The following CNOT8 variants were observed in gnomAD, a reference collection of about 807,000 sequenced individuals.
CNOT8 encodes CCR4-NOT transcription complex subunit 8, also known as CAF1-like protein.
In CNOT8, 18 loss-of-function variants were observed where a neutral mutation model predicts 34.6. That is an observed-to-expected ratio of 0.52 (90% CI 0.36 to 0.77). The LOEUF (loss-of-function observed/expected upper bound fraction) is 0.77. Ranked by LOEUF, CNOT8 falls within the 30% of genes least tolerant of loss-of-function variation. The pLI, the probability that CNOT8 is intolerant of heterozygous loss-of-function variation, is 0.00. For synonymous variants in CNOT8, 101 were observed against 118.8 expected (o/e 0.85, Z 0.98); for missense variants, 189 against 347.9 (o/e 0.54, Z 3.63).
At chr5:154,863,976 A>G (rs1390761380) in intron 2 of CNOT8, among the ~76,000 whole-genome samples, 4 of 152,078 alleles carry the variant, frequency 2.6e-5, no homozygotes, top group Non-Finnish European at 5.9e-5. Flanking sequence ...AGATCTGGCA[A>G]TATCTGTTAT....
chr5:154,862,827 G>A (rs1001606302), intron 1 of CNOT8, among the ~76,000 whole-genome samples: 1 of 152,148 alleles, frequency 6.6e-6, no homozygotes, highest in Admixed American at 6.5e-5. Flanking sequence ...ATTCCTGTAG[G>A]ACTGTTTCCA....
At chr5:154,863,949 G>A (rs77721820) in intron 2 of CNOT8, among the ~76,000 whole-genome samples, 2 of 147,176 alleles carry the variant, frequency 1.4e-5, no homozygotes, top group South Asian at 2.2e-4. Flanking sequence ...TGGCATCTCT[G>A]AAAAAAAAAA....
intron 3 of CNOT8, among the ~76,000 whole-genome samples, chr5:154,866,845 G>A (rs987601440): frequency 2.0e-5 from 3 of 152,150 alleles, no homozygotes; most frequent in African/African-American, 4.8e-5. Context: ...CCTGTGAGGT[G>A]GAGGCTGCAG....
At chr5:154,868,618 C>T (rs954087556) in intron 3 of CNOT8, among the ~76,000 whole-genome samples, 1 of 152,174 alleles carries the variant, frequency 6.6e-6, no homozygotes, top group African/African-American at 2.4e-5. Flanking sequence ...TTTATGTTCC[C>T]TGAGGGCATC....
chr5:154,862,469 CAAA>C, intron 1 of CNOT8, among the ~76,000 whole-genome samples: 3 of 140,614 alleles, frequency 2.1e-5, no homozygotes, highest in African/African-American at 7.8e-5. Flanking sequence ...GACTCCATCT[CAAA>C]AAAAAAAAAG....
chr5:154,865,769 G>A (rs1761806409), intron 3 of CNOT8, among the ~76,000 whole-genome samples: 1 of 152,150 alleles, frequency 6.6e-6, no homozygotes, highest in Non-Finnish European at 1.5e-5. Flanking sequence ...CATTGCTGCT[G>A]GGAATATAGA....
intron 3 of CNOT8, 48 bp from the exon 4 acceptor site, chr5:154,870,613 T>A: frequency 6.7e-7 from 1 of 1,503,200 alleles, no homozygotes; most frequent in Non-Finnish European, 9.1e-7. Context: ...TGGCCACTAC[T>A]TCTGTTTCAT....
At position 154,876,566 on chromosome 5, in the gene CNOT8, T is replaced by G. The variant is rs754486496; in HGVS notation, c.*1127T>G. On this transcript the variant is annotated 3_prime_UTR_variant, in exon 7 of 7. Transcript: ENST00000285896. ...AGCATATTGTATTTTTTTGAATGAC[T>G]ACAGTATGGACAATTTCAAAAACCA... 2 of 152,628 alleles carry G rather than the reference T, an allele frequency of 1.3e-5. No homozygotes were observed. Among genetic ancestry groups the G allele is most frequent in the Non-Finnish European group, 2.9e-5 (2 of 68,054 alleles). The allele number at this position is 152,628 out of a possible 1,614,324, so 9.5% of individuals were successfully genotyped here.
At position 154,876,349 on chromosome 5, in the gene CNOT8, T is replaced by C. The variant is rs1762922415; in HGVS notation, c.*910T>C. ...TCTCTACTCCATTATTTCTCTACTT[T>C]TCCTTCCAGCAAACCTGAAACGTGA... On this transcript the variant is annotated 3_prime_UTR_variant, in exon 7 of 7. Transcript: ENST00000285896. The C allele has an allele frequency of 6.6e-6, 1 of 152,232 alleles. No individual in the cohort carries two copies. The highest frequency in any genetic ancestry group is 2.1e-4 in the South Asian group (1 of 4,830). 9.4% of individuals were successfully genotyped at this position (152,232 alleles called of 1,614,324 possible). A position where few individuals can be genotyped will look rare whatever the true frequency, so the allele number is the denominator to read the frequency against.
intron 5 of CNOT8, among the ~76,000 whole-genome samples, 177 bp downstream of exon 5, chr5:154,872,051 C>G (rs1762528750): frequency 6.6e-6 from 1 of 152,092 alleles, no homozygotes; most frequent in South Asian, 2.1e-4. Flanking sequence ...GATCTTTAAC[C>G]TGGCCATGAA....
At position 154,860,905 on chromosome 5, in the gene CNOT8, C is replaced by T. The variant is rs1394030520; in HGVS notation, c.-73+2137C>T. 2.6e-5 allele frequency among the ~76,000 whole-genome samples: 4 copies of T among 152,124 alleles called. No homozygotes were observed. In the East Asian group the frequency reaches 7.7e-4, roughly 29 times the overall value. On this transcript the variant is annotated intron_variant, in intron 1 of 6. Transcript: ENST00000285896. ...TCTTTTAAATGGAAGTTAAAGGCGT[C>T]TTTTGGTTGTGTGGGGTTTTTTGTT...
intron 2 of CNOT8, among the ~76,000 whole-genome samples, chr5:154,863,636 T>C (rs1353372330): frequency 6.6e-6 from 1 of 152,186 alleles, no homozygotes; most frequent in Non-Finnish European, 1.5e-5. Flanking sequence ...GAATGTTTAA[T>C]TTGAGATTTT....
At chr5:154,861,642 G>A (rs1353428470) in intron 1 of CNOT8, among the ~76,000 whole-genome samples, 1 of 152,188 alleles carries the variant, frequency 6.6e-6, no homozygotes, top group Non-Finnish European at 1.5e-5. Context: ...ATTGTGTTGT[G>A]GATCCATGCA....
chr5:154,861,093 T>C (rs1374171768), intron 1 of CNOT8, among the ~76,000 whole-genome samples: 3 of 152,208 alleles, frequency 2.0e-5, no homozygotes, highest in African/African-American at 7.2e-5. Flanking sequence ...ATTATATGGG[T>C]ATAGAAAATG....
intron 4 of CNOT8, 83 bp downstream of exon 4, chr5:154,870,905 C>T: frequency 1.6e-6 from 2 of 1,221,592 alleles, no homozygotes; most frequent in Middle Eastern, 2.0e-4. Flanking sequence ...TTTTTGCAGT[C>T]CTAGTGACTG....
chr5:154,864,359 C>T (rs959120044), intron 2 of CNOT8, among the ~76,000 whole-genome samples: 3 of 151,878 alleles, frequency 2.0e-5, no homozygotes, highest in Admixed American at 2.0e-4. Context: ...ACTCGGGAGG[C>T]TGAGGCAGAG....
chr5:154,861,278 CAA>C (rs1046085420), intron 1 of CNOT8, among the ~76,000 whole-genome samples: 3 of 152,124 alleles, frequency 2.0e-5, no homozygotes, highest in Non-Finnish European at 2.9e-5. Context: ...AGAACAAAAA[CAA>C]GAGAAGAAAT....
intron 5 of CNOT8, among the ~76,000 whole-genome samples, chr5:154,872,253 T>C (rs1254928695): frequency 1.3e-5 from 2 of 152,240 alleles, no homozygotes; most frequent in Non-Finnish European, 2.9e-5. Context: ...CTTTGCTGTC[T>C]AGAATTAGAG....
chr5:154,864,547 T>C (rs1761682124), intron 2 of CNOT8, among the ~76,000 whole-genome samples: 1 of 152,220 alleles, frequency 6.6e-6, no homozygotes, highest in Non-Finnish European at 1.5e-5. Flanking sequence ...CCTGTCTCTT[T>C]ATATTTTTTT....
Sources: gnomAD v4.1 joint callset for allele counts (sites outside exome capture counted in the v4.1 genomes callset) on GRCh38, gnomAD v4.1.1 for gene constraint, MANE v1.5 for transcripts, NCBI Gene and HGNC (gene_info 2026-07-23, HGNC 2026-07-21) for gene names.